The following PKIB variants were observed in gnomAD, a reference collection of about 807,000 sequenced individuals.
PKIB encodes the protein PKI-beta.
PKIB carries 2 observed loss-of-function variants against 4.5 expected under a neutral mutation model. That is an observed-to-expected ratio of 0.44 (90% confidence interval 0.18 to 1.39). The LOEUF is 1.39. Ranked by LOEUF, PKIB falls within the 40% of genes most tolerant of loss-of-function variation. The pLI, the probability that PKIB is intolerant of heterozygous loss-of-function variation, is 0.27. For synonymous variants in PKIB, 38 were observed against 36.0 expected (o/e 1.06, Z -0.20); for missense variants, 94 against 92.6 (o/e 1.02, Z -0.06).
At chr6:122,557,080 G>A (rs1289253550) in intron 2 of PKIB, among the ~76,000 whole-genome samples, 1 of 152,188 alleles carries the variant, frequency 6.6e-6, no homozygotes, top group African/African-American at 2.4e-5. Flanking sequence ...GCCAGGTGTG[G>A]TGGCGGGCAC....
chr6:122,529,835 T>A (rs1777204333), intron 2 of PKIB, among the ~76,000 whole-genome samples: 1 of 152,138 alleles, frequency 6.6e-6, no homozygotes, highest in African/African-American at 2.4e-5. Flanking sequence ...ATGTGATGAA[T>A]CTCTTTTTTC....
chr6:122,579,692 T>C (rs1199248204), intron 2 of PKIB, among the ~76,000 whole-genome samples: 1 of 152,218 alleles, frequency 6.6e-6, no homozygotes, highest in Admixed American at 6.6e-5. Flanking sequence ...AATTACTCTC[T>C]AGTATTTTCT....
In PKIB at chr6:122,484,522, AT is replaced by A. The variant is rs201891112; in HGVS notation, c.-248+6584del. On this transcript the variant is annotated intron_variant, in intron 2 of 6. Coordinates refer to the PKIB transcript ENST00000392491. Reference sequence around the variant, plus strand: ...ATAGTAAGAGGAATTATTTATTCTTATAAAAAGAAGAATCTTGAAATAAAAA... The same window carrying A: ...ATAGTAAGAGGAATTATTTATTCTTAAAAAAGAAGAATCTTGAAATAAAAA... 2.7e-4 allele frequency among the ~76,000 whole-genome samples: 41 copies of A among 152,360 alleles called. No individual in the cohort carries two copies. The East Asian group carries it at 7.1e-3, about 26-fold the overall frequency.
rs140809398 is a variant in PKIB at position 122,720,723 on chromosome 6, C to T, written c.169+2760C>T. 9.8e-3 allele frequency among the ~76,000 whole-genome samples: 1,468 copies of T among 150,344 alleles called. 9 individuals carry two copies. The highest frequency in any genetic ancestry group is 0.017 in the Non-Finnish European group (1,148 of 67,654). On this transcript the variant is annotated intron_variant, in intron 4 of 4. Coordinates refer to ENST00000368452, the MANE Select transcript of PKIB (RefSeq NM_181795.3). ...TTGAGTGTATTTTTTTTTTTTGAGA[C>T]GGAGTTTCACTCTTGTCTCCCAGGA...
intron 2 of PKIB, among the ~76,000 whole-genome samples, chr6:122,513,605 GT>G (rs1776653012): frequency 6.6e-6 from 1 of 152,228 alleles, no homozygotes; most frequent in African/African-American, 2.4e-5. Flanking sequence ...CCAAAGGGTT[GT>G]TTTTCACCCC....
At chr6:122,552,174 G>A (rs1010093832) in intron 2 of PKIB, among the ~76,000 whole-genome samples, 1 of 152,112 alleles carries the variant, frequency 6.6e-6, no homozygotes, top group African/African-American at 2.4e-5. Context: ...ACCGCAGAAG[G>A]AAGAGGCTTT....
chr6:122,561,829 G>T (rs1188315131), intron 2 of PKIB, among the ~76,000 whole-genome samples: 1 of 151,934 alleles, frequency 6.6e-6, no homozygotes, highest in Non-Finnish European at 1.5e-5. Context: ...TGAGCCTCCT[G>T]AAGTCAGCAG....
intron 3 of PKIB, among the ~76,000 whole-genome samples, chr6:122,600,032 GCTATAT>G (rs1774315140): frequency 8.4e-6 from 1 of 118,704 alleles, no homozygotes; most frequent in Admixed American, 9.1e-5. Context: ...TATATCTATA[GCTATAT>G]CTATCTATAC....
intron 4 of PKIB, 106 bp from the exon 5 acceptor site, chr6:122,725,022 G>A (rs2115101303): frequency 1.2e-6 from 1 of 834,916 alleles, no homozygotes; most frequent in African/African-American, 1.7e-5. Flanking sequence ...CTGAATTGAG[G>A]GCAAAATATG....
chr6:122,575,930 TACA>T lies in PKIB; in HGVS notation c.-247-9984_-247-9982del, dbSNP rs201343130. Among the ~76,000 whole-genome samples the T allele has an allele frequency of 3.5e-4, 54 of 152,204 alleles. No individual in the cohort carries two copies. In the East Asian group the frequency reaches 9.1e-3, roughly 26 times the overall value. ...GAAATTTTAAAAAAGAAACTACTGA[TACA>T]ACAACATGAATGAATCTCAAAAGCA... On this transcript the variant is annotated intron_variant, in intron 2 of 6. Coordinates refer to the PKIB transcript ENST00000392491.
chr6:122,485,775 C>T (rs1399730187), intron 2 of PKIB, among the ~76,000 whole-genome samples: 1 of 152,154 alleles, frequency 6.6e-6, no homozygotes. Context: ...TTGAATGTTG[C>T]ATCTGTTGAA....
intron 2 of PKIB, chr6:122,479,526 A>G (rs569375420): frequency 6.6e-6 from 1 of 152,238 alleles, no homozygotes; most frequent in Non-Finnish European, 1.5e-5. Flanking sequence ...CAAAACAGAA[A>G]TGAGAGTACA....
intron 3 of PKIB, among the ~76,000 whole-genome samples, chr6:122,590,012 T>G (rs1217863191): frequency 6.6e-6 from 1 of 152,084 alleles, no homozygotes; most frequent in Non-Finnish European, 1.5e-5. Flanking sequence ...GTTTTGATAT[T>G]AATAGAAATC....
chr6:122,532,385 CA>C (rs1777285346), intron 2 of PKIB, among the ~76,000 whole-genome samples: 1 of 152,008 alleles, frequency 6.6e-6, no homozygotes, highest in Admixed American at 6.6e-5. Context: ...GTAAAATACA[CA>C]AAACAAAAAT....
intron 3 of PKIB, among the ~76,000 whole-genome samples, chr6:122,597,670 C>G (rs1006123690): frequency 6.6e-6 from 1 of 152,166 alleles, no homozygotes; most frequent in Non-Finnish European, 1.5e-5. Flanking sequence ...TGCAATATTG[C>G]TTTTGATTTA....
intron 1 of PKIB, among the ~76,000 whole-genome samples, chr6:122,629,667 C>G (rs546393752): frequency 6.6e-6 from 1 of 152,156 alleles, no homozygotes; most frequent in Non-Finnish European, 1.5e-5. Context: ...TGATGCCATA[C>G]TGATATTATA....
At chr6:122,527,295 T>A (rs974159714) in intron 2 of PKIB, among the ~76,000 whole-genome samples, 4 of 152,128 alleles carry the variant, frequency 2.6e-5, no homozygotes, top group African/African-American at 9.7e-5. Context: ...AGTAGCACTT[T>A]TCGTTTTTTA....
chr6:122,656,150 A>T (rs1776768991), intron 2 of PKIB, among the ~76,000 whole-genome samples: 1 of 152,158 alleles, frequency 6.6e-6, no homozygotes, highest in South Asian at 2.1e-4. Context: ...AAAACAATTG[A>T]CTATGCAACT....
chr6:122,722,767 G>C (rs1450793359), intron 4 of PKIB, among the ~76,000 whole-genome samples: 1 of 152,118 alleles, frequency 6.6e-6, no homozygotes, highest in African/African-American at 2.4e-5. Context: ...TTCTCCTCCA[G>C]CTACTGTCCT....
Sources: allele counts gnomAD v4.1 joint callset (sites outside exome capture counted in the v4.1 genomes callset), GRCh38; gene constraint gnomAD v4.1.1; transcripts MANE v1.5; gene names NCBI Gene and HGNC (gene_info 2026-07-23, HGNC 2026-07-21).